Variants in PARD3B observed in about 807,000 individuals in gnomAD.
PARD3B encodes par-3 family cell polarity regulator beta.
PARD3B carries 103 observed loss-of-function variants against 130.2 expected under a neutral mutation model. That is an observed-to-expected ratio of 0.79 (90% CI 0.67 to 0.93). The LOEUF is 0.93. PARD3B is among the 40% of genes least tolerant of loss of function. The pLI is 0.00. For missense variants in PARD3B, 1,609 were observed against 1,499.2 expected (o/e 1.07, Z -1.21); for synonymous variants, 583 against 553.2 (o/e 1.05, Z -0.76).
At chr2:204,850,276 T>A (rs1242861369) in intron 2 of PARD3B, among the ~76,000 whole-genome samples, 2 of 152,154 alleles carry the variant, frequency 1.3e-5, no homozygotes, top group African/African-American at 2.4e-5. Context: ...TTCTACTAAA[T>A]AAACAAATGG....
At chr2:204,653,024 A>G (rs2035533378) in intron 1 of PARD3B, among the ~76,000 whole-genome samples, 1 of 151,088 alleles carries the variant, frequency 6.6e-6, no homozygotes, top group African/African-American at 2.5e-5. Context: ...ATTACAATTC[A>G]AGATGAGATT....
At chr2:204,875,068 A>G (rs1431325311) in intron 2 of PARD3B, among the ~76,000 whole-genome samples, 8 of 152,092 alleles carry the variant, frequency 5.3e-5, no homozygotes, top group African/African-American at 9.7e-5. Flanking sequence ...TATGCTTTTT[A>G]AAGTTTAATC....
intron 3 of PARD3B, among the ~76,000 whole-genome samples, chr2:204,996,340 G>T (rs1041320449): frequency 1.3e-5 from 2 of 151,910 alleles, no homozygotes; most frequent in Admixed American, 6.5e-5. Flanking sequence ...ATACCCTCCC[G>T]TGTGAGGTGT....
chr2:204,877,879 G>A (rs1274678926), intron 2 of PARD3B, among the ~76,000 whole-genome samples: 1 of 152,078 alleles, frequency 6.6e-6, no homozygotes, highest in Non-Finnish European at 1.5e-5. Context: ...AATAATTCTG[G>A]CTACAGCAAT....
chr2:204,715,105 G>A (rs1199599817), intron 2 of PARD3B, among the ~76,000 whole-genome samples: 1 of 152,156 alleles, frequency 6.6e-6, no homozygotes, highest in Non-Finnish European at 1.5e-5. Flanking sequence ...TTTGTATTGA[G>A]GTTGTAGTTG....
intron 4 of PARD3B, among the ~76,000 whole-genome samples, chr2:205,052,915 C>G (rs1211968450): frequency 6.6e-6 from 1 of 152,104 alleles, no homozygotes; most frequent in Admixed American, 6.6e-5. Flanking sequence ...GTAAAGGACA[C>G]AGACCGGTGG....
chr2:204,604,245 CA>C (rs1179672378), intron 1 of PARD3B, among the ~76,000 whole-genome samples: 1 of 152,114 alleles, frequency 6.6e-6, no homozygotes, highest in Non-Finnish European at 1.5e-5. Context: ...GAGAATTGGA[CA>C]GTGACCATGC....
At chr2:204,705,497 T>C (rs2038097688) in intron 2 of PARD3B, among the ~76,000 whole-genome samples, 1 of 149,792 alleles carries the variant, frequency 6.7e-6, no homozygotes, top group Non-Finnish European at 1.5e-5. Context: ...AAATTAGTCA[T>C]GTAAGAATTT....
intron 1 of PARD3B, among the ~76,000 whole-genome samples, chr2:204,659,487 C>A (rs1390932296): frequency 1.3e-5 from 2 of 152,086 alleles, no homozygotes; most frequent in Non-Finnish European, 2.9e-5. Flanking sequence ...TGATAGGTGG[C>A]CAAGTGGAGG....
intron 4 of PARD3B, among the ~76,000 whole-genome samples, chr2:205,057,690 C>T (rs60307820): frequency 0.84 from 88,507 of 105,322 alleles, 37,556 homozygotes; most frequent in East Asian, 0.92. Flanking sequence ...TGTATACGTA[C>T]ATATACATAT....
intron 20 of PARD3B, among the ~76,000 whole-genome samples, chr2:205,471,160 G>T (rs1281942051): frequency 1.3e-5 from 2 of 152,018 alleles, no homozygotes; most frequent in Non-Finnish European, 2.9e-5. Context: ...AAAGTCTTGG[G>T]CACAGTTTCC....
In PARD3B at chr2:205,287,607, C is replaced by T. The variant is rs2041444026; in HGVS notation, c.2186-12923C>T. Among the ~76,000 whole-genome samples the T allele has an allele frequency of 6.6e-6, 1 of 152,134 alleles. No homozygotes were observed. The highest frequency in any genetic ancestry group is 2.4e-5 in the African/African-American group (1 of 41,418). ...TAGTCATGTCTGGGTCGTAGGCACACTGAATGAGAGTTGAGGAGGCATAGT... is the reference window on the plus strand; with the variant it reads ...TAGTCATGTCTGGGTCGTAGGCACATTGAATGAGAGTTGAGGAGGCATAGT... On this transcript the variant is annotated intron_variant, in intron 16 of 22. Transcript: ENST00000406610. The surrounding 1 kb of genome is among the most constrained non-coding windows in gnomAD (Gnocchi z 4.8).
rs191753735 is a variant in PARD3B, at chr2:204,978,647, C to G, written c.394+13324C>G. On this transcript the variant is annotated intron_variant, in intron 3 of 22. Coordinates refer to ENST00000406610, the MANE Select transcript of PARD3B (RefSeq NM_001302769.2). ...TGAATGCACTTCTTTTTTGCCTCCT[C>G]CTTTCCCAACATTCATAAAAATGAC... Among the ~76,000 whole-genome samples, 28 of 152,168 alleles carry G rather than the reference C, an allele frequency of 1.8e-4. No homozygotes were observed. In the East Asian group the frequency reaches 5.2e-3, roughly 28 times the overall value.
chr2:205,104,498 A>G lies in PARD3B; in HGVS notation c.577A>G (p.Thr193Ala), dbSNP rs959771111. The G allele has an allele frequency of 6.4e-6, 10 of 1,555,902 alleles. No homozygotes were observed. In the African/African-American group the frequency reaches 1.2e-4, roughly 19 times the overall value. Residue 193 changes from threonine (T) to alanine (A), a missense_variant, in exon 5 of 23, where the codon ACT becomes GCT. By Grantham distance (58) the Thr-to-Ala change is moderately conservative. Coordinates refer to ENST00000406610, the MANE Select transcript of PARD3B (RefSeq NM_001302769.2). The stretch of plus-strand genomic sequence containing the variant: ...GACAGAACTACTAACTTCGCCAAGA[A>G]CTAAGGACACATTGAGGTATTCTCT... The part of the protein sequence containing the change: ...VQTELLTSPR[T>A]KDTLSDMTRT...
intron 3 of PARD3B, among the ~76,000 whole-genome samples, chr2:205,042,396 C>T (rs1394978543): frequency 6.6e-6 from 1 of 152,160 alleles, no homozygotes; most frequent in Non-Finnish European, 1.5e-5. Flanking sequence ...TCCTAAAGGT[C>T]TGTACAGTAA....
chr2:205,243,076 G>A (rs968160682), intron 15 of PARD3B, among the ~76,000 whole-genome samples: 1 of 152,080 alleles, frequency 6.6e-6, no homozygotes. Flanking sequence ...TGAGGCAGAA[G>A]AATTGGTTGA....
At position 205,405,756 on chromosome 2, in the gene PARD3B, A is replaced by G. The variant is rs2046398096; in HGVS notation, c.2741+4633A>G. Among the ~76,000 whole-genome samples, 1 of 152,220 alleles carries G rather than the reference A, an allele frequency of 6.6e-6. No individual in the cohort carries two copies. The highest frequency in any genetic ancestry group is 2.4e-5 in the African/African-American group (1 of 41,466). On this transcript the variant is annotated intron_variant, in intron 19 of 22. Coordinates refer to ENST00000406610, the MANE Select transcript of PARD3B (RefSeq NM_001302769.2). The surrounding 1 kb of genome is among the most constrained non-coding windows in gnomAD (Gnocchi z 4.1). ...TCAGCAGGAACAATGGACTGAATTA[A>G]ACGTAAAGAAAGTTAATGGAAATAA...
chr2:204,826,199 C>G (rs533578163), intron 2 of PARD3B, among the ~76,000 whole-genome samples: 4 of 152,282 alleles, frequency 2.6e-5, no homozygotes, highest in East Asian at 3.9e-4. Flanking sequence ...TGACCCTTAT[C>G]TCTTATCATA....
At chr2:204,688,763 T>C (rs979230987) in intron 2 of PARD3B, among the ~76,000 whole-genome samples, 1 of 152,134 alleles carries the variant, frequency 6.6e-6, no homozygotes, top group Non-Finnish European at 1.5e-5. Flanking sequence ...TGTGGATGCT[T>C]AATGACATAT....
Sources: allele counts gnomAD v4.1 joint callset (sites outside exome capture counted in the v4.1 genomes callset), GRCh38; gene constraint gnomAD v4.1.1; non-coding constraint Gnocchi (gnomAD v3.1); transcripts MANE v1.5; gene names NCBI Gene and HGNC (gene_info 2026-07-23, HGNC 2026-07-21).